The following NDUFS4 variants were observed in gnomAD, a reference collection of about 807,000 sequenced individuals.
The protein encoded by NDUFS4 is NADH dehydrogenase [ubiquinone] iron-sulfur protein 4, mitochondrial.
Under a neutral mutation model 24.3 loss-of-function variants are expected in NDUFS4, and 28 were observed. That is an observed-to-expected ratio of 1.15 (90% CI 0.85 to 1.58). The LOEUF is 1.58. NDUFS4 is among the 40% of genes most tolerant of loss of function. The pLI is 0.00. For synonymous variants in NDUFS4, 93 were observed against 69.7 expected (o/e 1.34, Z -1.67); for missense variants, 223 against 207.9 (o/e 1.07, Z -0.45).
chr5:53,681,451 T>C (rs1188490033), intron 4 of NDUFS4, among the ~76,000 whole-genome samples: 1 of 152,172 alleles, frequency 6.6e-6, no homozygotes, highest in Non-Finnish European at 1.5e-5. Flanking sequence ...ACATGTACTT[T>C]AATCCTCATG....
At chr5:53,568,763 G>T (rs1749122564) in intron 1 of NDUFS4, among the ~76,000 whole-genome samples, 1 of 152,096 alleles carries the variant, frequency 6.6e-6, no homozygotes, top group Admixed American at 6.5e-5. Flanking sequence ...TCTTTCACTG[G>T]ATGTAGTTCT....
intron 1 of NDUFS4, among the ~76,000 whole-genome samples, chr5:53,577,284 T>A (rs1043431095): frequency 3.9e-5 from 6 of 152,146 alleles, no homozygotes; most frequent in African/African-American, 1.4e-4. Context: ...TGTTAACTCT[T>A]TTGTGCTTTA....
chr5:53,649,766 T>C (rs1376409679), intron 3 of NDUFS4, among the ~76,000 whole-genome samples: 1 of 152,202 alleles, frequency 6.6e-6, no homozygotes, highest in Non-Finnish European at 1.5e-5. Context: ...CTGTATTCCA[T>C]AGGGGTTGAA....
At chr5:53,585,721 A>G (rs184918078) in intron 1 of NDUFS4, among the ~76,000 whole-genome samples, 394 of 151,858 alleles carry the variant, frequency 2.6e-3, no homozygotes, top group African/African-American at 8.8e-3. Flanking sequence ...CAGTGTGGGC[A>G]ACAAGAGCGT....
At chr5:53,585,419 A>G (rs753165577) in intron 1 of NDUFS4, among the ~76,000 whole-genome samples, 6 of 152,230 alleles carry the variant, frequency 3.9e-5, no homozygotes, top group Non-Finnish European at 7.3e-5. Context: ...TTGAATAACA[A>G]GCAGACTATT....
intron 1 of NDUFS4, among the ~76,000 whole-genome samples, chr5:53,585,259 A>C (rs1330730433): frequency 6.6e-6 from 1 of 152,180 alleles, no homozygotes; most frequent in Non-Finnish European, 1.5e-5. Context: ...TTAGGTAACT[A>C]TTCATAATTT....
At chr5:53,604,795 T>C (rs1284056448) in intron 2 of NDUFS4, 1 of 456,294 alleles carries the variant, frequency 2.2e-6, no homozygotes, top group Admixed American at 2.3e-5. Context: ...CTACTCTTTT[T>C]CCTGCTTCAA....
intron 2 of NDUFS4, among the ~76,000 whole-genome samples, chr5:53,614,045 T>G (rs1244025056): frequency 6.6e-6 from 1 of 151,960 alleles, no homozygotes; most frequent in East Asian, 1.9e-4. Context: ...ATTAAAAGTT[T>G]TTTATGTTTA....
At chr5:53,654,178 A>G (rs770500710) in intron 3 of NDUFS4, among the ~76,000 whole-genome samples, 2 of 151,972 alleles carry the variant, frequency 1.3e-5, no homozygotes, top group Non-Finnish European at 2.9e-5. Context: ...TGATCTACCA[A>G]TAATTAAAAA....
At chr5:53,623,235 C>T (rs1028428530) in intron 2 of NDUFS4, among the ~76,000 whole-genome samples, 3 of 152,164 alleles carry the variant, frequency 2.0e-5, no homozygotes, top group Non-Finnish European at 4.4e-5. Context: ...ATTCCCACAG[C>T]AATACACAAA....
intron 2 of NDUFS4, among the ~76,000 whole-genome samples, chr5:53,606,715 C>T (rs138581648): frequency 2.6e-4 from 40 of 152,318 alleles, no homozygotes; most frequent in African/African-American, 9.1e-4. Context: ...ATCACTAAGA[C>T]AGCACTAAGC....
chr5:53,656,026 C>A (rs1352715423), intron 3 of NDUFS4, among the ~76,000 whole-genome samples: 2 of 152,082 alleles, frequency 1.3e-5, no homozygotes, highest in Non-Finnish European at 2.9e-5. Context: ...TCTCTTCCAG[C>A]TGCTCTGGCA....
chr5:53,602,804 A>G (rs966561707), intron 1 of NDUFS4, among the ~76,000 whole-genome samples: 4 of 152,230 alleles, frequency 2.6e-5, no homozygotes, highest in African/African-American at 9.6e-5. Context: ...ATAAACAACA[A>G]AGTGTACATG....
intron 2 of NDUFS4, among the ~76,000 whole-genome samples, chr5:53,624,786 C>A (rs1007304889): frequency 4.6e-5 from 7 of 152,134 alleles, no homozygotes; most frequent in African/African-American, 1.7e-4. Flanking sequence ...AATTATACAT[C>A]TTTACAAGTT....
intron 1 of NDUFS4, among the ~76,000 whole-genome samples, chr5:53,598,231 C>G (rs989733197): frequency 1.3e-5 from 2 of 152,146 alleles, no homozygotes; most frequent in Non-Finnish European, 2.9e-5. Context: ...AACGTATGAT[C>G]AGCAGTTGTG....
chr5:53,628,876 C>G (rs1751312968), intron 2 of NDUFS4, among the ~76,000 whole-genome samples: 1 of 152,018 alleles, frequency 6.6e-6, no homozygotes. Context: ...GTCTCTGTTT[C>G]CTTCAATCCT....
chr5:53,634,921 G>A (rs1013868400), intron 2 of NDUFS4, among the ~76,000 whole-genome samples: 1 of 152,032 alleles, frequency 6.6e-6, no homozygotes, highest in Non-Finnish European at 1.5e-5. Flanking sequence ...GGGTGTGGTG[G>A]CTCACACCTG....
intron 1 of NDUFS4, among the ~76,000 whole-genome samples, chr5:53,588,734 G>A (rs2168662): frequency 0.42 from 64,308 of 152,052 alleles, 14,410 homozygotes; most frequent in Admixed American, 0.5. Flanking sequence ...ATTGAAGTAT[G>A]CAACTTGTAC....
In NDUFS4 at chr5:53,581,131, C is replaced by T. The variant is rs1261790930; in HGVS notation, c.98+20371C>T. Among the ~76,000 whole-genome samples the T allele has an allele frequency of 2.6e-5, 4 of 152,166 alleles. No homozygotes were observed. In the East Asian group the frequency reaches 5.8e-4, roughly 22 times the overall value. On this transcript the variant is annotated intron_variant, in intron 1 of 4. Transcript: ENST00000296684. ...TACAGGCGTGAGCTACTGTGCCTGG[C>T]CACACTTATTTTCCTTTTTAGTAAT... is the stretch of plus-strand genomic sequence containing the variant.
Sources: allele counts gnomAD v4.1 joint callset (sites outside exome capture counted in the v4.1 genomes callset), GRCh38; gene constraint gnomAD v4.1.1; transcripts MANE v1.5; gene names NCBI Gene and HGNC (gene_info 2026-07-23, HGNC 2026-07-21).